Variants in AK5 observed in about 807,000 individuals in gnomAD.
AK5 encodes the protein adenylate kinase 5, also known as adenylate kinase isoenzyme 5.
A neutral mutation model predicts 69.5 loss-of-function variants in AK5; 27 were observed. The ratio of observed to expected loss-of-function variants is 0.39; its 90% CI spans 0.29 to 0.54. The LOEUF (loss-of-function observed/expected upper bound fraction) is 0.54, where lower values mean the gene tolerates loss of function less well. AK5 is among the 20% of genes least tolerant of loss of function. The probability of loss-of-function intolerance (pLI) is 0.71; values close to 1 mark genes in which losing one functional copy is unlikely to be tolerated. For synonymous variants in AK5, 260 were observed against 244.4 expected (o/e 1.06, Z -0.60); for missense variants, 531 against 700.4 (o/e 0.76, Z 2.73).
intron 8 of AK5, among the ~76,000 whole-genome samples, chr1:77,420,929 A>T (rs988615067): frequency 3.9e-5 from 6 of 152,246 alleles, no homozygotes; most frequent in African/African-American, 2.4e-5. Context: ...ATCATTGAGC[A>T]AAACAGCCAT....
intron 6 of AK5, among the ~76,000 whole-genome samples, chr1:77,383,406 A>G (rs1195784351): frequency 6.6e-6 from 1 of 152,180 alleles, no homozygotes; most frequent in Non-Finnish European, 1.5e-5. Flanking sequence ...CAAACCATTT[A>G]TGGTTAGGAA....
chr1:77,307,119 T>G (rs1659683499), intron 5 of AK5, among the ~76,000 whole-genome samples: 1 of 151,964 alleles, frequency 6.6e-6, no homozygotes, highest in Non-Finnish European at 1.5e-5. Flanking sequence ...TGATCTTTAT[T>G]TCTTTTCTTC....
intron 10 of AK5, among the ~76,000 whole-genome samples, chr1:77,497,563 T>TA (rs1656417493): frequency 6.6e-6 from 1 of 152,060 alleles, no homozygotes; most frequent in Non-Finnish European, 1.5e-5. Flanking sequence ...GCAGAAGAAA[T>TA]AGAGTTTGAG....
chr1:77,550,997 T>C (rs1659795848), intron 13 of AK5, among the ~76,000 whole-genome samples: 2 of 152,128 alleles, frequency 1.3e-5, no homozygotes, highest in African/African-American at 4.8e-5. Context: ...GCCAACATGG[T>C]GAAACCCCGT....
intron 6 of AK5, among the ~76,000 whole-genome samples, chr1:77,409,746 T>C (rs1049575812): frequency 5.9e-5 from 9 of 152,242 alleles, no homozygotes; most frequent in Non-Finnish European, 1.0e-4. Context: ...CAAGTTTAAT[T>C]AGATCCCACT....
intron 8 of AK5, among the ~76,000 whole-genome samples, chr1:77,476,386 T>C (rs1200496988): frequency 6.6e-6 from 1 of 152,236 alleles, no homozygotes; most frequent in African/African-American, 2.4e-5. Flanking sequence ...TGATAAAATG[T>C]ACTTATGTTT....
At chr1:77,549,295 C>A (rs1407513633) in intron 13 of AK5, among the ~76,000 whole-genome samples, 1 of 151,924 alleles carries the variant, frequency 6.6e-6, no homozygotes, top group Non-Finnish European at 1.5e-5. Flanking sequence ...ATGTTTATTT[C>A]TTCCTTAAAA....
chr1:77,334,412 G>A (rs1032318129), intron 5 of AK5, among the ~76,000 whole-genome samples: 1 of 152,046 alleles, frequency 6.6e-6, no homozygotes, highest in Non-Finnish European at 1.5e-5. Flanking sequence ...GTTTTACTAT[G>A]ATGTGCTTAG....
In AK5 at chr1:77,378,328, GT is replaced by G. The variant is rs1338942186; in HGVS notation, c.892-32652del. On this transcript the variant is annotated intron_variant, in intron 6 of 13. Coordinates refer to ENST00000354567, the MANE Select transcript of AK5 (RefSeq NM_174858.3). ...ACACTACAGGAGAAACAGTATAATAGTATTTTTTTTTTAGATGGAGTTTCGC... is the reference window on the plus strand; with the variant it reads ...ACACTACAGGAGAAACAGTATAATAGATTTTTTTTTTAGATGGAGTTTCGC... Among the ~76,000 whole-genome samples, 7 of 152,178 alleles carry G rather than the reference GT, an allele frequency of 4.6e-5. No individual in the cohort carries two copies. The South Asian group carries it at 1.5e-3, about 32-fold the overall frequency.
chr1:77,475,113 T>G (rs1005041400), intron 8 of AK5, among the ~76,000 whole-genome samples: 3 of 150,786 alleles, frequency 2.0e-5, no homozygotes, highest in Non-Finnish European at 4.4e-5. Flanking sequence ...TAGTGTGTTT[T>G]ATTCTAATAA....
intron 8 of AK5, among the ~76,000 whole-genome samples, chr1:77,445,602 T>G (rs1652698668): frequency 6.6e-6 from 1 of 152,232 alleles, no homozygotes; most frequent in South Asian, 2.1e-4. Flanking sequence ...TTTATTTTTT[T>G]GAGACAGAGT....
chr1:77,352,458 A>G (rs6672375), intron 6 of AK5, among the ~76,000 whole-genome samples: 19,220 of 152,172 alleles, frequency 0.13, 1,477 homozygotes, highest in Middle Eastern at 0.23. Flanking sequence ...AATAGATTCT[A>G]TGTTAGAGGA....
intron 8 of AK5, among the ~76,000 whole-genome samples, chr1:77,425,138 A>C (rs1319007986): frequency 6.6e-6 from 1 of 152,224 alleles, no homozygotes; most frequent in Non-Finnish European, 1.5e-5. Context: ...AAAGAGGGGA[A>C]TAAAGCACCA....
At chr1:77,417,755 T>C in intron 8 of AK5, 40 bp downstream of exon 8, 3 of 1,285,964 alleles carry the variant, frequency 2.3e-6, no homozygotes, top group East Asian at 2.3e-5. Flanking sequence ...TTAAATGTTT[T>C]TAAGTTGAAC....
chr1:77,367,577 A>ATATATATATATATATATATG, intron 6 of AK5, among the ~76,000 whole-genome samples: 1 of 8,998 alleles, frequency 1.1e-4, no homozygotes, highest in East Asian at 2.0e-3. Flanking sequence ...ATATATATAT[A>ATATATATATATATATATATG]TAATATATAT....
chr1:77,436,513 T>C (rs1448330799), intron 8 of AK5, among the ~76,000 whole-genome samples: 1 of 151,664 alleles, frequency 6.6e-6, no homozygotes, highest in Non-Finnish European at 1.5e-5. Flanking sequence ...AATATATTTG[T>C]TTTTCTATAA....
intron 8 of AK5, among the ~76,000 whole-genome samples, chr1:77,472,248 C>T (rs1355352213): frequency 6.6e-6 from 1 of 152,100 alleles, no homozygotes; most frequent in Non-Finnish European, 1.5e-5. Flanking sequence ...CACATGGGGC[C>T]CAGGCAGTTT....
At chr1:77,345,912 TAA>T (rs1661891744) in intron 6 of AK5, 1 of 152,220 alleles carries the variant, frequency 6.6e-6, no homozygotes, top group African/African-American at 2.4e-5. Context: ...GAACTACTAC[TAA>T]TAGCCTACTG....
intron 5 of AK5, among the ~76,000 whole-genome samples, chr1:77,334,246 A>G (rs1195812158): frequency 1.3e-5 from 2 of 152,192 alleles, no homozygotes; most frequent in Non-Finnish European, 2.9e-5. Flanking sequence ...CAGTTATTAT[A>G]TATCAACACT....
Sources: allele counts gnomAD v4.1 joint callset (sites outside exome capture counted in the v4.1 genomes callset), GRCh38; gene constraint gnomAD v4.1.1; transcripts MANE v1.5; gene names NCBI Gene and HGNC (gene_info 2026-07-23, HGNC 2026-07-21).